Variants in DACH2 observed in about 807,000 individuals in gnomAD.
The protein encoded by DACH2 is dachshund homolog 2.
A neutral mutation model predicts 35.8 loss-of-function variants in DACH2; 17 were observed. The ratio of observed to expected loss-of-function variants is 0.48; its 90% CI spans 0.33 to 0.71. DACH2 has a LOEUF of 0.71. Ranked by LOEUF, DACH2 falls within the 30% of genes least tolerant of loss-of-function variation. The probability of loss-of-function intolerance (pLI) is 0.02; values close to 1 mark genes in which losing one functional copy is unlikely to be tolerated. For synonymous variants in DACH2, 195 were observed against 177.3 expected (o/e 1.10, Z -0.79); for missense variants, 469 against 472.7 (o/e 0.99, Z 0.07).
intron 1 of DACH2, among the ~76,000 whole-genome samples, chrX:86,161,617 A>C (rs914448239): frequency 3.6e-5 from 4 of 112,387 alleles, no homozygotes; most frequent in Non-Finnish European, 7.5e-5. Flanking sequence ...GCTTGCAATT[A>C]AGAAAAGGAA....
chrX:86,347,179 C>A (rs1321704831), intron 1 of DACH2, among the ~76,000 whole-genome samples: 1 of 111,933 alleles, frequency 8.9e-6, no homozygotes, highest in Non-Finnish European at 1.9e-5. Context: ...TTGTTTAAAA[C>A]AATAACAAGC....
At chrX:86,318,567 A>T (rs1317382281) in intron 1 of DACH2, among the ~76,000 whole-genome samples, 1 of 111,651 alleles carries the variant, frequency 9.0e-6, no homozygotes, top group Non-Finnish European at 1.9e-5. Context: ...GATTAATAGC[A>T]CATATTTTGA....
At chrX:86,419,846 A>G (rs2036773401) in intron 2 of DACH2, among the ~76,000 whole-genome samples, 1 of 111,600 alleles carries the variant, frequency 9.0e-6, no homozygotes, top group South Asian at 3.8e-4. Flanking sequence ...TAGCTTCAGG[A>G]GGTAGCATGG....
intron 1 of DACH2, among the ~76,000 whole-genome samples, chrX:86,294,311 A>G (rs920746305): frequency 1.8e-5 from 2 of 110,154 alleles, no homozygotes; most frequent in African/African-American, 6.6e-5. Flanking sequence ...TGATTATTCT[A>G]GTTATACATT....
At chrX:86,624,442 G>T (rs2040109241) in intron 3 of DACH2, among the ~76,000 whole-genome samples, 1 of 112,038 alleles carries the variant, frequency 8.9e-6, no homozygotes. Flanking sequence ...GTAATAACTG[G>T]TTAAGAGAAA....
At chrX:86,713,659 A>C (rs866288869) in intron 5 of DACH2, among the ~76,000 whole-genome samples, 1 of 111,652 alleles carries the variant, frequency 9.0e-6, no homozygotes, top group African/African-American at 3.3e-5. Flanking sequence ...GTTTGCTCAC[A>C]GTCACGTTCA....
intron 1 of DACH2, among the ~76,000 whole-genome samples, chrX:86,212,590 G>T (rs930161294): frequency 2.7e-5 from 3 of 110,909 alleles, no homozygotes; most frequent in Non-Finnish European, 5.7e-5. Context: ...AGAAGAATTT[G>T]CCTGCCTTTT....
In DACH2 at chrX:86,157,403, G is replaced by A. The variant is rs772674217; in HGVS notation, c.488+8295G>A. 6.3e-5 allele frequency among the ~76,000 whole-genome samples: 7 copies of A among 111,217 alleles called. 1 individual carries two copies. The South Asian group carries it at 1.5e-3, about 24-fold the overall frequency. On this transcript the variant is annotated intron_variant, in intron 1 of 11. Coordinates refer to ENST00000373125, the MANE Select transcript of DACH2 (RefSeq NM_053281.3). ...AAAAAAGTAATATTGATCTGTCGCCGGATTAAAGTTTGAAATGGGCAACAG... is the reference window on the plus strand; with the variant it reads ...AAAAAAGTAATATTGATCTGTCGCCAGATTAAAGTTTGAAATGGGCAACAG...
At chrX:86,205,871 A>T (rs867167688) in intron 1 of DACH2, among the ~76,000 whole-genome samples, 1 of 110,423 alleles carries the variant, frequency 9.1e-6, no homozygotes, top group Middle Eastern at 4.6e-3. Flanking sequence ...CCAGCCTAAG[A>T]TGTGGTTTTC....
At chrX:86,769,470 C>G (rs2041966339) in intron 7 of DACH2, among the ~76,000 whole-genome samples, 1 of 111,994 alleles carries the variant, frequency 8.9e-6, no homozygotes, top group Non-Finnish European at 1.9e-5. Flanking sequence ...TAAAAGAGAG[C>G]CCAAATAACC....
intron 6 of DACH2, among the ~76,000 whole-genome samples, chrX:86,731,153 T>C (rs1456943812): frequency 1.8e-5 from 2 of 111,439 alleles, no homozygotes; most frequent in African/African-American, 6.5e-5. Flanking sequence ...TTCGATTTTA[T>C]TATTTTTGGG....
chrX:86,522,500 GCATT>G (rs1217520391), intron 3 of DACH2, among the ~76,000 whole-genome samples: 2 of 111,240 alleles, frequency 1.8e-5, no homozygotes, highest in Non-Finnish European at 3.8e-5. Flanking sequence ...AGCTATATAT[GCATT>G]CATTCTTTCA....
chrX:86,708,700 A>G (rs1225800838), intron 5 of DACH2, among the ~76,000 whole-genome samples: 1 of 110,956 alleles, frequency 9.0e-6, no homozygotes, highest in Non-Finnish European at 1.9e-5. Context: ...TGTTTGGGTG[A>G]TGATTACACT....
intron 7 of DACH2, among the ~76,000 whole-genome samples, chrX:86,808,104 C>T (rs1418648910): frequency 8.9e-6 from 1 of 111,769 alleles, no homozygotes; most frequent in African/African-American, 3.2e-5. Flanking sequence ...ACAATCTATG[C>T]CACATGAACA....
intron 1 of DACH2, among the ~76,000 whole-genome samples, chrX:86,336,253 C>T (rs762238197): frequency 4.5e-5 from 5 of 112,125 alleles, no homozygotes; most frequent in Non-Finnish European, 9.4e-5. Context: ...CAGGATGATG[C>T]TGGCCTCATA....
intron 1 of DACH2, among the ~76,000 whole-genome samples, chrX:86,180,221 A>T (rs1352890888): frequency 2.0e-5 from 1 of 49,550 alleles, no homozygotes; most frequent in East Asian, 4.0e-4. Flanking sequence ...TCTTATAGTA[A>T]TGTGAAATAA....
chrX:86,268,789 C>T (rs1237727023), intron 1 of DACH2, among the ~76,000 whole-genome samples: 1 of 110,615 alleles, frequency 9.0e-6, no homozygotes, highest in Non-Finnish European at 1.9e-5. Flanking sequence ...TTGCCTAGAC[C>T]TCCCAAAGTG....
chrX:86,694,187 A>C, intron 4 of DACH2, among the ~76,000 whole-genome samples: 1 of 111,624 alleles, frequency 9.0e-6, no homozygotes, highest in Non-Finnish European at 1.9e-5. Flanking sequence ...AAGCAAATAG[A>C]TGAAGCTGCC....
chrX:86,338,616 G>A (rs914958254), intron 1 of DACH2, among the ~76,000 whole-genome samples: 10 of 111,735 alleles, frequency 8.9e-5, no homozygotes, highest in Non-Finnish European at 1.3e-4. Context: ...TTGAAAGCAG[G>A]AAAGATCGGA....
Sources: allele counts gnomAD v4.1 joint callset (sites outside exome capture counted in the v4.1 genomes callset), GRCh38; gene constraint gnomAD v4.1.1; transcripts MANE v1.5; gene names NCBI Gene and HGNC (gene_info 2026-07-23, HGNC 2026-07-21).